NCK2: variants seen among roughly 807,000 people sequenced by gnomAD.
NCK2 encodes cytoplasmic protein NCK2.
NCK2 carries 16 observed loss-of-function variants against 33.9 expected under a neutral mutation model. The observed-to-expected ratio is 0.47, with a 90% CI of 0.32 to 0.72. The LOEUF is 0.72. Among genes scored for constraint, NCK2 ranks in the 30% least tolerant of loss-of-function variants. NCK2 has a pLI of 0.03. For missense variants in NCK2, 418 were observed against 537.3 expected, an observed-to-expected ratio of 0.78 and a Z score of 2.19; for synonymous variants, 273 against 239.9, an observed-to-expected ratio of 1.14 and a Z score of -1.27.
chr2:105,753,373 G>A (rs553662958), intron 1 of NCK2, among the ~76,000 whole-genome samples: 7 of 152,186 alleles, frequency 4.6e-5, no homozygotes, highest in Admixed American at 6.5e-5. Context: ...GCTATGTTCC[G>A]TAGGCTGGTG....
chr2:105,837,074 G>C (rs1054487773), intron 2 of NCK2, among the ~76,000 whole-genome samples: 1 of 152,172 alleles, frequency 6.6e-6, no homozygotes, highest in Admixed American at 6.5e-5. Flanking sequence ...GTCCTGGCTG[G>C]CTGCTTTTCT....
At chr2:105,845,463 T>C (rs934305) in intron 2 of NCK2, among the ~76,000 whole-genome samples, 2,388 of 151,980 alleles carry the variant, frequency 0.016, 60 homozygotes, top group African/African-American at 0.054. Context: ...GACTGATCTT[T>C]ACTCACTGCA....
intron 3 of NCK2, among the ~76,000 whole-genome samples, chr2:105,860,795 C>T (rs1312467162): frequency 2.0e-5 from 3 of 148,326 alleles, no homozygotes. Flanking sequence ...CATGCCCCGC[C>T]CGCCTGTGCA....
Position 105,881,869 on chromosome 2 carries a change from T to C in NCK2, c.768T>C (p.Ser256=), listed in dbSNP as rs1490562480. 6.3e-7 allele frequency: 1 copy of C among 1,587,396 alleles called. No homozygotes were observed. The highest frequency in any genetic ancestry group is 1.7e-5 in the Admixed American group (1 of 58,034). ...CCAAAAACTACGTGGTGGTCCTCAGTGACGGGCCTGCCCTGCACCCTGCGC... is the reference window on the plus strand; with the variant it reads ...CCAAAAACTACGTGGTGGTCCTCAGCGACGGGCCTGCCCTGCACCCTGCGC... ...LVPKNYVVVL[S]DGPALHPAHA... Residue 256 remains serine (S), a synonymous_variant, in exon 4 of 5, where the codon AGT becomes AGC. Coordinates refer to ENST00000233154, the MANE Select transcript of NCK2 (RefSeq NM_003581.5).
chr2:105,798,688 C>T lies in NCK2; in HGVS notation c.-200-17742C>T, dbSNP rs555725745. ...TTGCTGGTGATTAAGTTTATGTGGA[C>T]GGTGAATCTCAACAGAATGAAAATA... On this transcript the variant is annotated intron_variant, in intron 1 of 4. Transcript: ENST00000233154. 2.6e-5 allele frequency among the ~76,000 whole-genome samples: 4 copies of T among 152,182 alleles called. No individual in the cohort carries two copies. In the East Asian group the frequency reaches 7.7e-4, roughly 29 times the overall value.
chr2:105,852,453 T>C (rs961824440), intron 2 of NCK2, among the ~76,000 whole-genome samples: 1 of 152,158 alleles, frequency 6.6e-6, no homozygotes, highest in Non-Finnish European at 1.5e-5. Flanking sequence ...AAGATACTGA[T>C]ATAATTGGCT....
At chr2:105,881,194 AGTTTGT>A in intron 3 of NCK2, 128 bp from the exon 4 acceptor site, 4 of 1,252,970 alleles carry the variant, frequency 3.2e-6, no homozygotes, top group Non-Finnish European at 4.3e-6. Flanking sequence ...TGGTAATTAC[AGTTTGT>A]AAGCACTGTC....
At chr2:105,773,897 T>C (rs1573576016) in intron 1 of NCK2, among the ~76,000 whole-genome samples, 1 of 152,190 alleles carries the variant, frequency 6.6e-6, no homozygotes, top group East Asian at 1.9e-4. Context: ...TTAACTGTTT[T>C]TATTTGCCTT....
intron 2 of NCK2, among the ~76,000 whole-genome samples, chr2:105,821,878 C>T (rs1451124666): frequency 5.4e-5 from 8 of 147,710 alleles, no homozygotes; most frequent in East Asian, 2.3e-4. Flanking sequence ...AACAGCAGCC[C>T]GGGAAGCAGA....
intron 1 of NCK2, among the ~76,000 whole-genome samples, chr2:105,790,624 C>G (rs941495303): frequency 2.0e-5 from 3 of 152,224 alleles, no homozygotes; most frequent in African/African-American, 7.2e-5. Context: ...TACTGCATCC[C>G]CCGCACCTGT....
At chr2:105,759,600 C>T (rs1279559079) in intron 1 of NCK2, among the ~76,000 whole-genome samples, 1 of 152,200 alleles carries the variant, frequency 6.6e-6, no homozygotes, top group African/African-American at 2.4e-5. Flanking sequence ...CTGTGATTCA[C>T]ATCTTACGTT....
chr2:105,827,658 TTCTA>T (rs1676004675), intron 2 of NCK2, among the ~76,000 whole-genome samples: 1 of 152,250 alleles, frequency 6.6e-6, no homozygotes, highest in South Asian at 2.1e-4. Context: ...ACAGAGTGTC[TTCTA>T]TCTTTTAATA....
At chr2:105,819,117 G>T (rs914927146) in intron 2 of NCK2, among the ~76,000 whole-genome samples, 4 of 152,056 alleles carry the variant, frequency 2.6e-5, no homozygotes, top group African/African-American at 9.7e-5. Flanking sequence ...CGGCAGTCGG[G>T]GGTTGGCACT....
At chr2:105,749,438 T>G (rs1378798530) in intron 1 of NCK2, among the ~76,000 whole-genome samples, 3 of 152,200 alleles carry the variant, frequency 2.0e-5, no homozygotes, top group African/African-American at 7.2e-5. Context: ...GTTTGCAAAG[T>G]CCTCTTCACA....
intron 4 of NCK2, among the ~76,000 whole-genome samples, chr2:105,890,037 T>C (rs1376081020): frequency 1.3e-5 from 2 of 152,234 alleles, no homozygotes; most frequent in African/African-American, 4.8e-5. Flanking sequence ...GTATACAGAT[T>C]GTTCTTTTTC....
At position 105,794,044 on chromosome 2, in the gene NCK2, G is replaced by T. The variant is rs1188760878; in HGVS notation, c.-200-22386G>T. Among the ~76,000 whole-genome samples the T allele has an allele frequency of 3.7e-5, 5 of 135,672 alleles. No individual in the cohort carries two copies. The South Asian group carries it at 7.4e-4, about 20-fold the overall frequency. The allele number at this position is 135,672 out of a possible 152,430, so 89.0% of individuals were successfully genotyped here. A position where few individuals can be genotyped will look rare whatever the true frequency, so the allele number is the denominator to read the frequency against. ...AGGATTCTAAAATATTGTATCTTTC[G>T]ATTTTTTTTTTTTTTTTTTTTGGAG... is the stretch of plus-strand genomic sequence containing the variant. On this transcript the variant is annotated intron_variant, in intron 1 of 4. Transcript: ENST00000233154.
intron 4 of NCK2, among the ~76,000 whole-genome samples, chr2:105,889,131 G>A (rs7601645): frequency 0.3 from 45,704 of 152,124 alleles, 8,123 homozygotes; most frequent in African/African-American, 0.49. Flanking sequence ...CCCTCTGGAG[G>A]CAGAGTTGTT....
chr2:105,850,512 A>G (rs1677025166), intron 2 of NCK2, among the ~76,000 whole-genome samples: 1 of 152,212 alleles, frequency 6.6e-6, no homozygotes, highest in Non-Finnish European at 1.5e-5. Flanking sequence ...GCTGTGTTTT[A>G]GAGTGGTCAC....
At chr2:105,780,932 G>A (rs1168531255) in intron 1 of NCK2, among the ~76,000 whole-genome samples, 1 of 152,120 alleles carries the variant, frequency 6.6e-6, no homozygotes, top group African/African-American at 2.4e-5. Context: ...CCATTCTGTG[G>A]TATTTTGTTA....
Sources: allele counts gnomAD v4.1 joint callset (sites outside exome capture counted in the v4.1 genomes callset), GRCh38; gene constraint gnomAD v4.1.1; transcripts MANE v1.5; gene names NCBI Gene and HGNC (gene_info 2026-07-23, HGNC 2026-07-21).